TNIK: variants seen among roughly 807,000 people sequenced by gnomAD.
TNIK encodes the protein TRAF2 and NCK-interacting protein kinase.
Under a neutral mutation model 191.3 loss-of-function variants are expected in TNIK, and 49 were observed. The observed-to-expected ratio is 0.26, with a 90% CI of 0.20 to 0.32. The LOEUF is 0.32. TNIK is among the 10% of genes least tolerant of loss of function. The pLI, the probability that TNIK is intolerant of heterozygous loss-of-function variation, is 1.00. For synonymous variants in TNIK, 594 were observed against 600.9 expected, an observed-to-expected ratio of 0.99 and a Z score of 0.17; for missense variants, 1,155 against 1,702.3, an observed-to-expected ratio of 0.68 and a Z score of 5.66.
chr3:171,268,158 T>G (rs1043475920), intron 2 of TNIK, among the ~76,000 whole-genome samples: 2 of 152,170 alleles, frequency 1.3e-5, no homozygotes, highest in Non-Finnish European at 2.9e-5. Flanking sequence ...ATACAGTCTC[T>G]CATTGACCAA....
At chr3:171,206,389 T>C (rs898730902) in intron 4 of TNIK, among the ~76,000 whole-genome samples, 10 of 145,966 alleles carry the variant, frequency 6.9e-5, no homozygotes, top group African/African-American at 9.9e-5. Flanking sequence ...AGTAAATAAA[T>C]GAACACATAC....
intron 1 of TNIK, among the ~76,000 whole-genome samples, chr3:171,404,358 G>C (rs943454703): frequency 1.7e-5 from 2 of 118,666 alleles, no homozygotes; most frequent in East Asian, 3.9e-4. Context: ...TGAGGAATAA[G>C]TAAAAAAATT....
chr3:171,237,780 G>C (rs532953670), intron 2 of TNIK, among the ~76,000 whole-genome samples: 4 of 152,218 alleles, frequency 2.6e-5, no homozygotes, highest in African/African-American at 7.2e-5. Context: ...AAATTAGCCA[G>C]ACCTAGTGGC....
At chr3:171,210,391 G>T (rs529447040) in intron 4 of TNIK, among the ~76,000 whole-genome samples, 1 of 152,282 alleles carries the variant, frequency 6.6e-6, no homozygotes, top group South Asian at 2.1e-4. Context: ...GGAAGGCTCC[G>T]CACAGCAGCA....
intron 2 of TNIK, among the ~76,000 whole-genome samples, chr3:171,276,293 G>C (rs1749739777): frequency 6.8e-6 from 1 of 146,124 alleles, no homozygotes; most frequent in South Asian, 2.2e-4. Flanking sequence ...AATGAAGACA[G>C]GATAGTTTTC....
chr3:171,338,362 C>T (rs184433484), intron 2 of TNIK, among the ~76,000 whole-genome samples: 3 of 152,272 alleles, frequency 2.0e-5, no homozygotes, highest in East Asian at 1.9e-4. Context: ...GTTAAGAAAG[C>T]TGAACCTCAC....
At chr3:171,091,813 A>T (rs1722101028) in intron 23 of TNIK, among the ~76,000 whole-genome samples, 1 of 152,040 alleles carries the variant, frequency 6.6e-6, no homozygotes, top group South Asian at 2.1e-4. Context: ...GAGAACCCCA[A>T]CTAATACAGT....
intron 3 of TNIK, among the ~76,000 whole-genome samples, chr3:171,215,753 T>C (rs1360833312): frequency 1.3e-5 from 2 of 152,192 alleles, no homozygotes; most frequent in African/African-American, 4.8e-5. Flanking sequence ...TGCATATTTA[T>C]TACACAGGGG....
intron 28 of TNIK, among the ~76,000 whole-genome samples, chr3:171,077,289 G>A (rs749732637): frequency 9.9e-5 from 15 of 152,054 alleles, no homozygotes; most frequent in Non-Finnish European, 1.5e-5. Flanking sequence ...GTCACCCCAG[G>A]TTCCCTTCAC....
chr3:171,324,894 C>T lies in TNIK; in HGVS notation c.123+44726G>A, dbSNP rs972772492. ...CGGGCGGATCACGAGGTCAGGAGAT[C>T]GAGACCATCCTGGCTAACATGGTGA... is the stretch of plus-strand genomic sequence containing the variant. On this transcript the variant is annotated intron_variant, in intron 2 of 32. Transcript: ENST00000436636. 3.0e-4 allele frequency among the ~76,000 whole-genome samples: 45 copies of T among 151,888 alleles called. 1 individual carries two copies. Among genetic ancestry groups the T allele is most frequent in the Non-Finnish European group, 1.2e-4 (8 of 67,984 alleles).
At chr3:171,263,846 G>A (rs1747995335) in intron 2 of TNIK, among the ~76,000 whole-genome samples, 1 of 151,806 alleles carries the variant, frequency 6.6e-6, no homozygotes, top group East Asian at 2.0e-4. Flanking sequence ...AGACTTGGAG[G>A]AGGTTATGGA....
chr3:171,214,408 T>C (rs560392794), intron 3 of TNIK, among the ~76,000 whole-genome samples: 5 of 152,302 alleles, frequency 3.3e-5, no homozygotes, highest in African/African-American at 9.6e-5. Flanking sequence ...TCTTTTCCTT[T>C]GTAGCACCTA....
At chr3:171,143,087 A>T (rs1425207954) in intron 12 of TNIK, among the ~76,000 whole-genome samples, 1 of 152,178 alleles carries the variant, frequency 6.6e-6, no homozygotes, top group African/African-American at 2.4e-5. Context: ...TGAGAAAGAC[A>T]CTCAAAAGTA....
chr3:171,400,050 G>A (rs963150362), intron 1 of TNIK, among the ~76,000 whole-genome samples: 11 of 152,130 alleles, frequency 7.2e-5, no homozygotes, highest in African/African-American at 2.4e-4. Flanking sequence ...GCTCTCACAG[G>A]AATATACACC....
At chr3:171,209,304 G>A (rs1428379899) in intron 4 of TNIK, among the ~76,000 whole-genome samples, 1 of 151,682 alleles carries the variant, frequency 6.6e-6, no homozygotes, top group Admixed American at 6.6e-5. Flanking sequence ...TACTTTTTTG[G>A]TTGTAACCAT....
chr3:171,368,228 T>C (rs1175760733), intron 2 of TNIK, among the ~76,000 whole-genome samples: 2 of 152,158 alleles, frequency 1.3e-5, no homozygotes, highest in Non-Finnish European at 2.9e-5. Flanking sequence ...GTGGGAAACA[T>C]AATGAAACGG....
chr3:171,107,183 C>A lies in TNIK; in HGVS notation c.2406G>T (p.Glu802Asp). Residue 802 changes from glutamate (E) to aspartate (D), a missense_variant and splice_region_variant, in exon 21 of 33, where the codon GAG becomes GAT. Glu to Asp is a conservative substitution (Grantham distance 45). Coordinates refer to ENST00000436636, the MANE Select transcript of TNIK (RefSeq NM_015028.4). ...RPASYKKAID[E>D]DLTALAKELR... Reference sequence around the variant, plus strand: ...ATGACCAAGAAAAGGTAATACTAACCTCATCTATAGCTTTTTTGTAGCTCT... The same window carrying A: ...ATGACCAAGAAAAGGTAATACTAACATCATCTATAGCTTTTTTGTAGCTCT... The A allele has an allele frequency of 1.2e-6, 2 of 1,611,986 alleles. No individual in the cohort carries two copies.
At chr3:171,175,429 C>T in intron 8 of TNIK, 99 bp from the exon 9 acceptor site, 1 of 873,866 alleles carries the variant, frequency 1.1e-6, no homozygotes, top group East Asian at 2.7e-5. Flanking sequence ...ATGACCCACT[C>T]AGTTTACACA....
chr3:171,150,291 C>G (rs909254789), intron 12 of TNIK, among the ~76,000 whole-genome samples: 1 of 152,158 alleles, frequency 6.6e-6, no homozygotes, highest in Non-Finnish European at 1.5e-5. Context: ...TGTATTACAT[C>G]CCATTTTATA....
Sources: allele counts gnomAD v4.1 joint callset (sites outside exome capture counted in the v4.1 genomes callset), GRCh38; gene constraint gnomAD v4.1.1; transcripts MANE v1.5; gene names NCBI Gene and HGNC (gene_info 2026-07-23, HGNC 2026-07-21).